Variants in GPATCH2L observed in about 807,000 individuals in gnomAD.
The protein encoded by GPATCH2L is G-patch domain containing 2 like.
GPATCH2L carries 31 observed loss-of-function variants against 57.4 expected under a neutral mutation model. The observed-to-expected ratio is 0.54, with a 90% CI of 0.41 to 0.73. GPATCH2L has a LOEUF of 0.73. GPATCH2L is among the 30% of genes least tolerant of loss of function. The pLI is 0.00. For synonymous variants in GPATCH2L, 199 were observed against 210.7 expected (o/e 0.94, Z 0.48); for missense variants, 481 against 599.9 (o/e 0.80, Z 2.07).
intron 6 of GPATCH2L, 33 bp downstream of exon 6, chr14:76,176,723 T>C: frequency 6.9e-7 from 1 of 1,447,244 alleles, no homozygotes; most frequent in Non-Finnish European, 9.7e-7. Context: ...GCTGTGCTAG[T>C]CTGCTCCTTG....
At chr14:76,155,694 A>AT (rs1277796240) in intron 2 of GPATCH2L, among the ~76,000 whole-genome samples, 1 of 152,156 alleles carries the variant, frequency 6.6e-6, no homozygotes, top group East Asian at 1.9e-4. Flanking sequence ...GTGACTTTTT[A>AT]TTTTTTACAT....
rs575674567 is a variant in GPATCH2L at position 76,207,929 on chromosome 14, C to G, written c.*6078C>G. The G allele has an allele frequency of 6.6e-6, 1 of 152,322 alleles. No individual in the cohort carries two copies. The highest frequency in any genetic ancestry group is 2.4e-5 in the African/African-American group (1 of 41,566). The allele number at this position is 152,322 out of a possible 1,614,324, so 9.4% of individuals were successfully genotyped here. ...AAGTTCTGTCTTTTCAGGGAATATG[C>G]ATAGCTAAAGAGTTCATTGTGTTTG... On this transcript the variant is annotated 3_prime_UTR_variant, in exon 10 of 10. Coordinates refer to ENST00000261530, the MANE Select transcript of GPATCH2L (RefSeq NM_017926.4).
intron 1 of GPATCH2L, among the ~76,000 whole-genome samples, chr14:76,220,736 A>G (rs2040510577): frequency 6.6e-6 from 1 of 152,176 alleles, no homozygotes; most frequent in African/African-American, 2.4e-5. Context: ...CACCTAAAAT[A>G]TGTTCTCTGA....
At position 76,213,483 on chromosome 14, in the gene GPATCH2L, A is replaced by G. The variant is rs1199422388; in HGVS notation, c.*11632A>G. The G allele has an allele frequency of 2.6e-5, 4 of 152,152 alleles. No homozygotes were observed. The highest frequency in any genetic ancestry group is 6.6e-5 in the Admixed American group (1 of 15,256). The allele number at this position is 152,152 out of a possible 1,614,324, so 9.4% of individuals were successfully genotyped here. ...TTAACAGAAACTTTTTGTAACACCA[A>G]TTTTTTATTTTACATTTTAAAGCAT... On this transcript the variant is annotated 3_prime_UTR_variant, in exon 10 of 10. Transcript: ENST00000261530.
At position 76,207,399 on chromosome 14, in the gene GPATCH2L, G is replaced by A. The variant is rs547544509; in HGVS notation, c.*5548G>A. On this transcript the variant is annotated 3_prime_UTR_variant, in exon 10 of 10. Transcript: ENST00000261530. ...GAATGATAGTCATTTTTCACAATTG[G>A]CAGTAAAAATAGGATTTGTGTAAGG... is the stretch of plus-strand genomic sequence containing the variant. The A allele has an allele frequency of 6.6e-6, 1 of 152,234 alleles. No homozygotes were observed. The highest frequency in any genetic ancestry group is 2.4e-5 in the African/African-American group (1 of 41,528). 9.4% of individuals were successfully genotyped at this position (152,234 alleles called of 1,614,324 possible).
intron 5 of GPATCH2L, chr14:76,173,837 CAA>C (rs59407603): frequency 0.017 from 6,873 of 392,926 alleles, 11 homozygotes; most frequent in South Asian, 0.041. Flanking sequence ...GAAGTACTGA[CAA>C]AAAAAAAAAA....
chr14:76,181,334 G>A (rs2039552541), intron 8 of GPATCH2L, among the ~76,000 whole-genome samples: 1 of 152,164 alleles, frequency 6.6e-6, no homozygotes, highest in Non-Finnish European at 1.5e-5. Context: ...CTGGAAAACT[G>A]TCTTTGAGCT....
chr14:76,222,968 A>AG (rs1179558142), intron 1 of GPATCH2L, among the ~76,000 whole-genome samples: 2 of 150,354 alleles, frequency 1.3e-5, no homozygotes, highest in East Asian at 2.0e-4. Flanking sequence ...AAAAAAAAAA[A>AG]AAAGAAAGAA....
At chr14:76,158,158 G>C (rs2038398811) in intron 2 of GPATCH2L, among the ~76,000 whole-genome samples, 1 of 151,858 alleles carries the variant, frequency 6.6e-6, no homozygotes, top group South Asian at 2.1e-4. Flanking sequence ...AATTGGTTGG[G>C]TGATGGCCAG....
At chr14:76,167,191 C>A (rs2038882768) in intron 3 of GPATCH2L, among the ~76,000 whole-genome samples, 1 of 152,076 alleles carries the variant, frequency 6.6e-6, no homozygotes, top group Non-Finnish European at 1.5e-5. Context: ...TATAAAACAT[C>A]ATCTTCCTCA....
chr14:76,193,368 G>A (rs1217186712), intron 8 of GPATCH2L, among the ~76,000 whole-genome samples: 1 of 151,850 alleles, frequency 6.6e-6, no homozygotes, highest in Non-Finnish European at 1.5e-5. Flanking sequence ...GATGGATGGG[G>A]GCAAATAAAA....
chr14:76,216,987 A>C (rs2040492842), downstream of GPATCH2L, among the ~76,000 whole-genome samples: 1 of 152,184 alleles, frequency 6.6e-6, no homozygotes, highest in Non-Finnish European at 1.5e-5. Context: ...AGCTACATAT[A>C]AATATATAGC....
At chr14:76,200,881 T>C (rs956083844) in intron 9 of GPATCH2L, among the ~76,000 whole-genome samples, 1 of 152,190 alleles carries the variant, frequency 6.6e-6, no homozygotes, top group East Asian at 1.9e-4. Context: ...TATATATTTG[T>C]TCTCAGCAGA....
chr14:76,201,469 G>A (rs11620805), intron 9 of GPATCH2L, among the ~76,000 whole-genome samples: 31,255 of 152,078 alleles, frequency 0.21, 3,550 homozygotes, highest in African/African-American at 0.3. Flanking sequence ...TATTTGTTCA[G>A]TTGAACCCAT....
intron 6 of GPATCH2L, 72 bp downstream of exon 6, chr14:76,176,762 A>C: frequency 2.1e-6 from 2 of 945,420 alleles, no homozygotes; most frequent in Non-Finnish European, 3.5e-6. Context: ...AGTTTTATGG[A>C]GCAACTTAGA....
rs555468881 is a variant in GPATCH2L at position 76,159,965 on chromosome 14, T to C, written c.662+4940T>C. 3.9e-5 allele frequency among the ~76,000 whole-genome samples: 6 copies of C among 152,152 alleles called. No individual in the cohort carries two copies. The East Asian group carries it at 5.8e-4, about 15-fold the overall frequency. On this transcript the variant is annotated intron_variant, in intron 2 of 9. Coordinates refer to ENST00000261530, the MANE Select transcript of GPATCH2L (RefSeq NM_017926.4). ...GGCTAACATGGTGAAACCCCGACTC[T>C]ACTAAAAATACAAAAAAATTAGCCT...
chr14:76,219,253 G>C (rs1724013129), downstream of GPATCH2L, among the ~76,000 whole-genome samples: 1 of 151,978 alleles, frequency 6.6e-6, no homozygotes, highest in South Asian at 2.1e-4. Context: ...TCAATAAAAA[G>C]GAAAACACAT....
chr14:76,155,222 A>G (rs575726222), intron 2 of GPATCH2L, among the ~76,000 whole-genome samples, 197 bp downstream of exon 2: 4 of 152,344 alleles, frequency 2.6e-5, no homozygotes, highest in Non-Finnish European at 4.4e-5. Flanking sequence ...GGAAGGCTAT[A>G]TGTAATAGAA....
intron 3 of GPATCH2L, among the ~76,000 whole-genome samples, chr14:76,170,102 CTT>C (rs1215278796): frequency 6.6e-6 from 1 of 152,154 alleles, no homozygotes; most frequent in African/African-American, 2.4e-5. Context: ...TAAGGGAACA[CTT>C]TGAGTAACTT....
Sources: allele counts gnomAD v4.1 joint callset (sites outside exome capture counted in the v4.1 genomes callset), GRCh38; gene constraint gnomAD v4.1.1; transcripts MANE v1.5; gene names NCBI Gene and HGNC (gene_info 2026-07-23, HGNC 2026-07-21).